Variants in LHFPL3 observed in about 807,000 individuals in gnomAD.
LHFPL3 encodes LHFPL tetraspan subfamily member 3.
A neutral mutation model predicts 19.3 loss-of-function variants in LHFPL3; 5 were observed. The observed-to-expected ratio is 0.26, with a 90% confidence interval of 0.14 to 0.54. The LOEUF is 0.54. Ranked by LOEUF, LHFPL3 falls within the 20% of genes least tolerant of loss-of-function variation. The probability of loss-of-function intolerance (pLI) is 0.94; values close to 1 mark genes in which losing one functional copy is unlikely to be tolerated. For synonymous variants in LHFPL3, 133 were observed against 126.2 expected, an observed-to-expected ratio of 1.05 and a Z score of -0.36; for missense variants, 249 against 307.4, an observed-to-expected ratio of 0.81 and a Z score of 1.42.
chr7:104,590,418 C>T (rs1044378856), intron 1 of LHFPL3, among the ~76,000 whole-genome samples: 25 of 152,016 alleles, frequency 1.6e-4, no homozygotes, highest in Admixed American at 3.3e-4. Context: ...TGTAGTTGAG[C>T]GGTTTTGAGT....
Position 104,475,475 on chromosome 7 carries a change from A to G in LHFPL3, c.445+146251A>G, listed in dbSNP as rs888460539. On this transcript the variant is annotated intron_variant, in intron 1 of 2. Coordinates refer to ENST00000424859, the MANE Select transcript of LHFPL3 (RefSeq NM_199000.3). Reference sequence around the variant, plus strand: ...GAAGGGGAAAATGGGGAGTTGTTCAATGGATATAGAGTTTCACACTTATAA... The same window carrying G: ...GAAGGGGAAAATGGGGAGTTGTTCAGTGGATATAGAGTTTCACACTTATAA... Among the ~76,000 whole-genome samples the G allele has an allele frequency of 2.6e-5, 4 of 152,204 alleles. No homozygotes were observed. In the South Asian group the frequency reaches 6.2e-4, roughly 24 times the overall value.
At chr7:104,507,925 G>A (rs1793732265) in intron 1 of LHFPL3, among the ~76,000 whole-genome samples, 2 of 115,266 alleles carry the variant, frequency 1.7e-5, no homozygotes, top group East Asian at 2.6e-4. Flanking sequence ...TCTCACACCA[G>A]TTAGAATGGC....
intron 1 of LHFPL3, among the ~76,000 whole-genome samples, chr7:104,487,973 A>G (rs965933739): frequency 1.3e-5 from 2 of 152,198 alleles, no homozygotes; most frequent in African/African-American, 4.8e-5. Flanking sequence ...TCTTGTAAAT[A>G]CAGCTTGTCT....
chr7:104,821,491 C>T (rs1431303327), intron 2 of LHFPL3, among the ~76,000 whole-genome samples: 2 of 152,218 alleles, frequency 1.3e-5, no homozygotes, highest in African/African-American at 4.8e-5. Context: ...CCTGCATTAT[C>T]CCTCAAGTAC....
chr7:104,388,841 A>AG (rs1791002047), intron 1 of LHFPL3, among the ~76,000 whole-genome samples: 1 of 151,834 alleles, frequency 6.6e-6, no homozygotes, highest in African/African-American at 2.4e-5. Flanking sequence ...GGTGGAAAAA[A>AG]AAGTGTTCAA....
At chr7:104,786,178 A>G (rs900424378) in intron 2 of LHFPL3, among the ~76,000 whole-genome samples, 2 of 152,232 alleles carry the variant, frequency 1.3e-5, no homozygotes, top group African/African-American at 4.8e-5. Flanking sequence ...TTCCCTCATC[A>G]GCACAGTGGT....
At chr7:104,816,378 A>G (rs1279827901) in intron 2 of LHFPL3, among the ~76,000 whole-genome samples, 1 of 152,190 alleles carries the variant, frequency 6.6e-6, no homozygotes, top group Non-Finnish European at 1.5e-5. Flanking sequence ...GGATGCAAGA[A>G]CCACTATGCT....
chr7:104,641,126 C>T (rs1232970216), intron 1 of LHFPL3, among the ~76,000 whole-genome samples: 2 of 152,156 alleles, frequency 1.3e-5, no homozygotes, highest in Admixed American at 1.3e-4. Flanking sequence ...TGTTTTGGTA[C>T]TGCATTATTT....
intron 1 of LHFPL3, among the ~76,000 whole-genome samples, chr7:104,728,982 C>T (rs1793639322): frequency 6.6e-6 from 1 of 152,176 alleles, no homozygotes; most frequent in Non-Finnish European, 1.5e-5. Context: ...AAAGAGACAA[C>T]ATGGCTACTT....
At chr7:104,513,278 T>G (rs368490747) in intron 1 of LHFPL3, among the ~76,000 whole-genome samples, 1 of 152,050 alleles carries the variant, frequency 6.6e-6, no homozygotes, top group South Asian at 2.1e-4. Context: ...TGAGAACAAG[T>G]GGAGTGTAAC....
rs551547237 is a variant in LHFPL3, at chr7:104,831,409, G to A, written c.683-74778G>A. ...TGAGTTTGTTTCTTTTGAACGAAAA[G>A]TTAAAAAGTTTAAAAGACCAAGCAA... On this transcript the variant is annotated intron_variant, in intron 2 of 2. Coordinates refer to ENST00000424859, the MANE Select transcript of LHFPL3 (RefSeq NM_199000.3). Among the ~76,000 whole-genome samples, 6 of 151,898 alleles carry A rather than the reference G, an allele frequency of 4.0e-5. 1 individual carries two copies. Among genetic ancestry groups the A allele is most frequent in the African/African-American group, 1.5e-4 (6 of 41,226 alleles).
At chr7:104,485,377 C>G (rs1171310279) in intron 1 of LHFPL3, among the ~76,000 whole-genome samples, 1 of 151,700 alleles carries the variant, frequency 6.6e-6, no homozygotes, top group African/African-American at 2.4e-5. Context: ...TTGGACTGTC[C>G]TTTGGTCTTT....
intron 1 of LHFPL3, among the ~76,000 whole-genome samples, chr7:104,525,001 A>G (rs1327563696): frequency 6.6e-6 from 1 of 152,214 alleles, no homozygotes; most frequent in Non-Finnish European, 1.5e-5. Flanking sequence ...TGCTGTGACC[A>G]TATGCGTCGT....
At chr7:104,568,418 C>G (rs906810895) in intron 1 of LHFPL3, among the ~76,000 whole-genome samples, 1 of 152,162 alleles carries the variant, frequency 6.6e-6, no homozygotes, top group East Asian at 1.9e-4. Flanking sequence ...ATGGTATGTA[C>G]TCAGTATTTG....
chr7:104,347,219 C>G (rs928066500), intron 1 of LHFPL3, among the ~76,000 whole-genome samples: 2 of 151,948 alleles, frequency 1.3e-5, no homozygotes, highest in Non-Finnish European at 2.9e-5. Flanking sequence ...TATAAAAACT[C>G]CAGGCGACCT....
At chr7:104,813,202 C>T (rs1790506382) in intron 2 of LHFPL3, among the ~76,000 whole-genome samples, 1 of 152,020 alleles carries the variant, frequency 6.6e-6, no homozygotes, top group Non-Finnish European at 1.5e-5. Context: ...CACTTGAGCC[C>T]AGAAGGTCAA....
intron 1 of LHFPL3, among the ~76,000 whole-genome samples, chr7:104,402,508 A>G (rs909397427): frequency 1.3e-5 from 2 of 152,312 alleles, no homozygotes; most frequent in Admixed American, 6.5e-5. Flanking sequence ...GCCATGTTCT[A>G]TTGTGTTTAA....
intron 2 of LHFPL3, among the ~76,000 whole-genome samples, chr7:104,778,056 C>T (rs1312243957): frequency 1.3e-5 from 2 of 152,190 alleles, no homozygotes; most frequent in Non-Finnish European, 2.9e-5. Flanking sequence ...CATCCTGGAA[C>T]AAGAGCCCTG....
intron 2 of LHFPL3, among the ~76,000 whole-genome samples, chr7:104,842,077 G>A (rs1373844602): frequency 6.6e-6 from 1 of 151,070 alleles, no homozygotes; most frequent in Non-Finnish European, 1.5e-5. Context: ...TATTTCATCT[G>A]TCCTAGACAG....
Sources: gnomAD v4.1 joint callset for allele counts (sites outside exome capture counted in the v4.1 genomes callset) on GRCh38, gnomAD v4.1.1 for gene constraint, MANE v1.5 for transcripts, NCBI Gene and HGNC (gene_info 2026-07-23, HGNC 2026-07-21) for gene names.